Variants in ATE1 observed in about 807,000 individuals in gnomAD.
The protein encoded by ATE1 is arginyltransferase 1, also known as arginyl-tRNA--protein transferase 1.
ATE1 carries 36 observed loss-of-function variants against 70.5 expected under a neutral mutation model. That is an observed-to-expected ratio of 0.51 (90% confidence interval 0.39 to 0.67). The LOEUF is 0.67. ATE1 is among the 30% of genes least tolerant of loss of function. ATE1 has a pLI of 0.00. For synonymous variants in ATE1, 232 were observed against 219.3 expected (o/e 1.06, Z -0.51); for missense variants, 593 against 629.5 (o/e 0.94, Z 0.62).
intron 8 of ATE1, among the ~76,000 whole-genome samples, chr10:121,857,963 C>T (rs1590524142): frequency 6.6e-6 from 1 of 152,144 alleles, no homozygotes; most frequent in African/African-American, 2.4e-5. Context: ...TTGTAATTGG[C>T]TTATTGCACT....
At chr10:121,822,752 A>G (rs944212776) in intron 10 of ATE1, among the ~76,000 whole-genome samples, 1 of 152,102 alleles carries the variant, frequency 6.6e-6, no homozygotes, top group Non-Finnish European at 1.5e-5. Flanking sequence ...AGGCTCCCCA[A>G]AAAAAATTTT....
intron 11 of ATE1, among the ~76,000 whole-genome samples, chr10:121,776,073 GA>G (rs1162380296): frequency 2.0e-5 from 3 of 152,136 alleles, no homozygotes; most frequent in African/African-American, 7.2e-5. Context: ...CATAAAGGGG[GA>G]TATGTCATAT....
chr10:121,833,643 G>GA (rs748153929), intron 10 of ATE1, among the ~76,000 whole-genome samples: 9 of 146,696 alleles, frequency 6.1e-5, no homozygotes, highest in East Asian at 2.2e-4. Flanking sequence ...AAGGGAAGGG[G>GA]AAAAAAAACG....
At chr10:121,759,434 G>A (rs1944942198) in intron 11 of ATE1, among the ~76,000 whole-genome samples, 1 of 152,190 alleles carries the variant, frequency 6.6e-6, no homozygotes, top group Admixed American at 6.5e-5. Flanking sequence ...AAAGTACAAG[G>A]TGAAGCCGGC....
intron 10 of ATE1, among the ~76,000 whole-genome samples, chr10:121,817,322 C>T (rs1947586784): frequency 6.6e-6 from 1 of 152,186 alleles, no homozygotes; most frequent in Admixed American, 6.5e-5. Flanking sequence ...GGGCGGATCA[C>T]AAGGTCAGGA....
At chr10:121,857,791 AT>A (rs530828883) in intron 8 of ATE1, among the ~76,000 whole-genome samples, 49 of 152,178 alleles carry the variant, frequency 3.2e-4, no homozygotes, top group African/African-American at 8.7e-4. Flanking sequence ...TCCATCCATA[AT>A]TTTTTTGATC....
chr10:121,777,376 T>C (rs1203869020), intron 11 of ATE1, among the ~76,000 whole-genome samples: 1 of 152,230 alleles, frequency 6.6e-6, no homozygotes, highest in African/African-American at 2.4e-5. Flanking sequence ...CAACTGGCTA[T>C]TAACTCCAAT....
intron 5 of ATE1, among the ~76,000 whole-genome samples, chr10:121,903,191 A>G (rs923072671): frequency 1.6e-4 from 23 of 146,254 alleles, no homozygotes; most frequent in Non-Finnish European, 2.6e-4. Flanking sequence ...GCCCGGCCCA[A>G]ATATCTTTTT....
chr10:121,760,257 C>T lies in ATE1; in HGVS notation c.1379-16399G>A, dbSNP rs1247004892. Among the ~76,000 whole-genome samples the T allele has an allele frequency of 4.6e-5, 7 of 152,176 alleles. No individual in the cohort carries two copies. In the East Asian group the frequency reaches 1.2e-3, roughly 25 times the overall value. ...GAATATTTTCCATTTTCAAGTCTTA[C>T]TAGTTAAGAAATACATTTCATAAGG... On this transcript the variant is annotated intron_variant, in intron 11 of 11. Transcript: ENST00000224652.
At chr10:121,910,054 AT>A (rs1461854102) in intron 5 of ATE1, among the ~76,000 whole-genome samples, 1 of 152,242 alleles carries the variant, frequency 6.6e-6, no homozygotes, top group Non-Finnish European at 1.5e-5. Context: ...AAATTAAAAA[AT>A]AAATATTTTC....
At chr10:121,896,982 C>T (rs775906059) in intron 7 of ATE1, among the ~76,000 whole-genome samples, 6 of 151,922 alleles carry the variant, frequency 3.9e-5, no homozygotes, top group Non-Finnish European at 7.4e-5. Flanking sequence ...TCCTGCTGCC[C>T]AGAACACCTT....
chr10:121,824,636 C>T (rs560833096), intron 10 of ATE1, among the ~76,000 whole-genome samples: 16 of 152,144 alleles, frequency 1.1e-4, no homozygotes, highest in Non-Finnish European at 2.1e-4. Flanking sequence ...TCTGATGTTT[C>T]AATGATCTGA....
chr10:121,831,166 T>C (rs1043325565), intron 10 of ATE1, among the ~76,000 whole-genome samples: 2 of 152,208 alleles, frequency 1.3e-5, no homozygotes, highest in Non-Finnish European at 2.9e-5. Context: ...CTTTAGCCTA[T>C]AGTGAATACT....
chr10:121,777,179 G>T (rs1322372199), intron 11 of ATE1, among the ~76,000 whole-genome samples: 1 of 152,198 alleles, frequency 6.6e-6, no homozygotes, highest in Non-Finnish European at 1.5e-5. Flanking sequence ...CTAATGACTG[G>T]CGGGACTAGA....
chr10:121,743,923 T>C (rs1175371976), intron 11 of ATE1, 65 bp from the exon 12 acceptor site: 3 of 1,416,306 alleles, frequency 2.1e-6, no homozygotes, highest in Non-Finnish European at 2.8e-6. Context: ...TTCCTTTTTT[T>C]TTTTTTTTTT....
intron 5 of ATE1, among the ~76,000 whole-genome samples, chr10:121,910,548 T>C (rs193257025): frequency 2.8e-4 from 43 of 152,306 alleles, no homozygotes; most frequent in African/African-American, 1.0e-3. Context: ...TTGGACATAA[T>C]AACTATAATT....
intron 7 of ATE1, among the ~76,000 whole-genome samples, chr10:121,876,264 A>G (rs1206907682): frequency 6.6e-6 from 1 of 152,216 alleles, no homozygotes; most frequent in Non-Finnish European, 1.5e-5. Context: ...TAATATGCAG[A>G]GCTAGTTATA....
chr10:121,806,746 A>T (rs1814620677), intron 10 of ATE1, among the ~76,000 whole-genome samples: 1 of 152,218 alleles, frequency 6.6e-6, no homozygotes, highest in Admixed American at 6.5e-5. Context: ...ACACACCTAC[A>T]TACACTTATT....
At position 121,786,153 on chromosome 10, in the gene ATE1, CAG is replaced by C. The variant is rs34377571; in HGVS notation, c.1378+4014_1378+4015del. Among the ~76,000 whole-genome samples the C allele has an allele frequency of 2.3e-3, 328 of 145,194 alleles. 1 individual carries two copies. The highest frequency in any genetic ancestry group is 3.8e-3 in the Middle Eastern group (1 of 264). On this transcript the variant is annotated intron_variant, in intron 11 of 11. Coordinates refer to ENST00000224652, the MANE Select transcript of ATE1 (RefSeq NM_001001976.3). The stretch of plus-strand genomic sequence containing the variant: ...TATGTTTTCAGGATAAACTGAGTAA[CAG>C]GGGGAATCATAGGATAGTGCTTGGG...
Sources: allele counts gnomAD v4.1 joint callset (sites outside exome capture counted in the v4.1 genomes callset), GRCh38; gene constraint gnomAD v4.1.1; transcripts MANE v1.5; gene names NCBI Gene and HGNC (gene_info 2026-07-23, HGNC 2026-07-21).